Variants in SMCO2 observed in about 807,000 individuals in gnomAD.
SMCO2 encodes single-pass membrane protein with coiled-coil domains 2.
SMCO2 carries 25 observed loss-of-function variants against 29.5 expected under a neutral mutation model. The ratio of observed to expected loss-of-function variants is 0.85; its 90% CI spans 0.62 to 1.18. SMCO2 has a LOEUF of 1.18. Among genes scored for constraint, SMCO2 ranks in the 50% most tolerant of loss-of-function variants. SMCO2 has a pLI of 0.00. For synonymous variants in SMCO2, 117 were observed against 123.3 expected (o/e 0.95, Z 0.34); for missense variants, 348 against 344.5 (o/e 1.01, Z -0.08).
chr12:27,423,519 CG>C, the SMCO2 span: 1 of 151,880 alleles, frequency 6.6e-6, no homozygotes, highest in Non-Finnish European at 1.5e-5. Context: ...TCAGTAGAGA[CG>C]GGGTTTCACC....
At chr12:27,461,377 A>G in the SMCO2 span, among the ~76,000 whole-genome samples, 4 of 152,148 alleles carry the variant, frequency 2.6e-5, no homozygotes, top group African/African-American at 9.7e-5. Flanking sequence ...AGTACTCAAT[A>G]GGTAGTTTTT....
intron 1 of SMCO2, among the ~76,000 whole-genome samples, chr12:27,467,263 G>A (rs1465056740): frequency 6.6e-6 from 1 of 151,996 alleles, no homozygotes; most frequent in African/African-American, 2.4e-5. Flanking sequence ...TAGGATATGG[G>A]GGAAGGAGGA....
the SMCO2 span, among the ~76,000 whole-genome samples, chr12:27,448,503 T>C: frequency 0.023 from 3,428 of 152,274 alleles, 137 homozygotes; most frequent in African/African-American, 0.079. Flanking sequence ...AACCTGAGAA[T>C]TGAACTGGAA....
At chr12:27,501,319 G>A (rs1183943193) in intron 7 of SMCO2, among the ~76,000 whole-genome samples, 1 of 147,130 alleles carries the variant, frequency 6.8e-6, no homozygotes, top group African/African-American at 2.6e-5. Flanking sequence ...GGGAGGCTGA[G>A]GCAGGAGAAT....
chr12:27,485,646 C>T (rs1342252397), intron 4 of SMCO2, among the ~76,000 whole-genome samples: 1 of 151,916 alleles, frequency 6.6e-6, no homozygotes, highest in African/African-American at 2.4e-5. Flanking sequence ...GGGGTTTCAC[C>T]GTGTTGGCCG....
At chr12:27,425,796 T>G in the SMCO2 span, among the ~76,000 whole-genome samples, 1 of 152,132 alleles carries the variant, frequency 6.6e-6, no homozygotes, top group Non-Finnish European at 1.5e-5. Context: ...TTCTAGAGAG[T>G]CAACCATCAT....
upstream of SMCO2, among the ~76,000 whole-genome samples, chr12:27,464,833 A>G (rs1336462471): frequency 3.3e-5 from 5 of 151,040 alleles, no homozygotes; most frequent in African/African-American, 1.2e-4. Context: ...CATCCTGGCT[A>G]ACACGGTGAA....
chr12:27,464,890 A>G (rs306632), upstream of SMCO2, among the ~76,000 whole-genome samples: 100,861 of 149,718 alleles, frequency 0.67, 34,197 homozygotes, highest in Middle Eastern at 0.81. Context: ...TTAGCCGGGC[A>G]TGGTGGCGGG....
intron 4 of SMCO2, among the ~76,000 whole-genome samples, chr12:27,488,118 A>C (rs762147252): frequency 1.3e-5 from 2 of 152,106 alleles, no homozygotes; most frequent in Non-Finnish European, 2.9e-5. Flanking sequence ...TCCCTCTTAC[A>C]GATTATATAA....
intron 7 of SMCO2, among the ~76,000 whole-genome samples, chr12:27,501,431 A>C (rs60549964): frequency 5.2e-5 from 7 of 133,708 alleles, no homozygotes; most frequent in South Asian, 2.4e-4. Flanking sequence ...AAAAAAAAAA[A>C]AAAAAACAAA....
chr12:27,439,206 A>G, the SMCO2 span, among the ~76,000 whole-genome samples: 1 of 152,170 alleles, frequency 6.6e-6, no homozygotes, highest in Non-Finnish European at 1.5e-5. Flanking sequence ...TGGCCAAAGG[A>G]GACACCAGAT....
intron 4 of SMCO2, among the ~76,000 whole-genome samples, chr12:27,478,471 G>A (rs763978449): frequency 1.3e-5 from 2 of 152,184 alleles, no homozygotes; most frequent in Non-Finnish European, 2.9e-5. Context: ...CACTGTGTGT[G>A]GCACTGACAG....
intron 2 of SMCO2, 115 bp from the exon 3 acceptor site, chr12:27,472,661 G>T: frequency 1.6e-6 from 1 of 642,536 alleles, no homozygotes. Flanking sequence ...GATAGCAGAT[G>T]CTCCCTGGGA....
the SMCO2 span, among the ~76,000 whole-genome samples, chr12:27,444,834 G>A: frequency 6.6e-6 from 1 of 152,160 alleles, no homozygotes; most frequent in Non-Finnish European, 1.5e-5. Context: ...TGCCACTCCT[G>A]GGTATATATG....
At chr12:27,490,758 C>G (rs143349861) in intron 5 of SMCO2, among the ~76,000 whole-genome samples, 108 of 152,172 alleles carry the variant, frequency 7.1e-4, no homozygotes, top group African/African-American at 2.5e-3. Context: ...AGCGAGACCC[C>G]TATCTCTACA....
At chr12:27,433,454 C>T in the SMCO2 span, among the ~76,000 whole-genome samples, 2 of 151,702 alleles carry the variant, frequency 1.3e-5, no homozygotes, top group African/African-American at 4.8e-5. Context: ...AATAAGAGGG[C>T]ATCTGCTCTA....
intron 4 of SMCO2, among the ~76,000 whole-genome samples, chr12:27,486,387 C>A (rs1198851570): frequency 6.6e-6 from 1 of 152,218 alleles, no homozygotes; most frequent in Non-Finnish European, 1.5e-5. Context: ...GAAACTCTTT[C>A]CAGGAGTAAC....
intron 4 of SMCO2, 33 bp downstream of exon 5, chr12:27,475,764 T>C: frequency 7.0e-7 from 1 of 1,432,102 alleles, no homozygotes; most frequent in Admixed American, 3.1e-5. Flanking sequence ...GGTCATAAAA[T>C]AGCAGAAAGT....
chr12:27,460,273 G>C, the SMCO2 span, among the ~76,000 whole-genome samples: 1 of 152,058 alleles, frequency 6.6e-6, no homozygotes, highest in East Asian at 1.9e-4. Flanking sequence ...GCACAATGCC[G>C]GGGTTAGGGG....
Sources: allele counts gnomAD v4.1 joint callset (sites outside exome capture counted in the v4.1 genomes callset), GRCh38; gene constraint gnomAD v4.1.1; transcripts MANE v1.5; gene names NCBI Gene and HGNC (gene_info 2026-07-23, HGNC 2026-07-21).